The following DPYD variants were observed in gnomAD, a reference collection of about 807,000 sequenced individuals.
The protein encoded by DPYD is dihydropyrimidine dehydrogenase [NADP(+)].
In DPYD, 109 loss-of-function variants were observed where a neutral mutation model predicts 116.2. That is an observed-to-expected ratio of 0.94 (90% CI 0.80 to 1.10). DPYD has a LOEUF of 1.10. Ranked by LOEUF, DPYD falls within the 50% of genes least tolerant of loss-of-function variation. The pLI, the probability that DPYD is intolerant of heterozygous loss-of-function variation, is 0.00. For synonymous variants in DPYD, 440 were observed against 432.0 expected (o/e 1.02, Z -0.23); for missense variants, 1,302 against 1,254.5 (o/e 1.04, Z -0.57).
intron 13 of DPYD, among the ~76,000 whole-genome samples, chr1:97,495,082 G>C (rs769609441): frequency 6.6e-6 from 1 of 152,130 alleles, no homozygotes; most frequent in African/African-American, 2.4e-5. Context: ...ATTTTATCAG[G>C]TTCCAAAGGG....
At chr1:97,229,427 G>A (rs1266850988) in intron 19 of DPYD, among the ~76,000 whole-genome samples, 1 of 149,588 alleles carries the variant, frequency 6.7e-6, no homozygotes, top group African/African-American at 2.4e-5. Flanking sequence ...TTAGGGAGTG[G>A]AATGAAGTGA....
chr1:97,851,723 AG>A (rs1670578373), intron 2 of DPYD, among the ~76,000 whole-genome samples: 5 of 145,924 alleles, frequency 3.4e-5, no homozygotes. Context: ...AAAAAAAAAA[AG>A]AAACTGGGCT....
intron 20 of DPYD, among the ~76,000 whole-genome samples, chr1:97,173,641 A>AT (rs1657046266): frequency 6.6e-6 from 1 of 151,218 alleles, no homozygotes; most frequent in African/African-American, 2.4e-5. Context: ...AGTGCCTGGC[A>AT]TGGAATACTC....
chr1:97,594,839 T>C, intron 9 of DPYD, among the ~76,000 whole-genome samples: 1 of 152,106 alleles, frequency 6.6e-6, no homozygotes, highest in Admixed American at 6.5e-5. Context: ...TATATTACAG[T>C]GAAAATTCCT....
intron 20 of DPYD, among the ~76,000 whole-genome samples, chr1:97,141,318 C>A (rs1449365475): frequency 6.6e-6 from 1 of 152,058 alleles, no homozygotes; most frequent in African/African-American, 2.4e-5. Flanking sequence ...GCCACTATTC[C>A]TCTACTCTAC....
chr1:97,700,952 A>G (rs1018880506), intron 5 of DPYD, among the ~76,000 whole-genome samples: 4 of 151,420 alleles, frequency 2.6e-5, no homozygotes, highest in Non-Finnish European at 5.9e-5. Flanking sequence ...TGTATTAATT[A>G]AAATTATTAT....
chr1:97,740,656 C>T (rs934276132), intron 3 of DPYD, among the ~76,000 whole-genome samples, 177 bp from the exon 4 acceptor site: 2 of 152,026 alleles, frequency 1.3e-5, no homozygotes, highest in African/African-American at 4.8e-5. Flanking sequence ...TTTGGCACTC[C>T]TCTTGGGATG....
chr1:97,674,827 C>T (rs1469362942), intron 8 of DPYD, among the ~76,000 whole-genome samples: 1 of 152,040 alleles, frequency 6.6e-6, no homozygotes, highest in Non-Finnish European at 1.5e-5. Flanking sequence ...TTTTTAAATT[C>T]TTAGCACAGT....
intron 19 of DPYD, among the ~76,000 whole-genome samples, chr1:97,214,989 AG>A (rs1314186815): frequency 6.6e-6 from 1 of 152,330 alleles, no homozygotes; most frequent in Admixed American, 6.5e-5. Flanking sequence ...GCTAGAATAG[AG>A]GGCTGTACAT....
intron 2 of DPYD, among the ~76,000 whole-genome samples, chr1:97,842,030 T>C (rs562756974): frequency 1.3e-5 from 2 of 151,940 alleles, no homozygotes; most frequent in African/African-American, 4.8e-5. Context: ...ATATTGCCTT[T>C]TGTGGGCTAA....
chr1:97,419,485 C>T lies in DPYD; in HGVS notation c.1905+30574G>A, dbSNP rs534458068. On this transcript the variant is annotated intron_variant, in intron 14 of 22. Transcript: ENST00000370192. ...CACAACAACGCTGTAAAATAGGCAC[C>T]GATATTCCAATTTTAATGACATCTT... is the stretch of plus-strand genomic sequence containing the variant. Among the ~76,000 whole-genome samples, 7 of 152,002 alleles carry T rather than the reference C, an allele frequency of 4.6e-5. No homozygotes were observed. The South Asian group carries it at 6.3e-4, about 14-fold the overall frequency.
At chr1:97,673,184 C>G (rs988648404) in intron 8 of DPYD, among the ~76,000 whole-genome samples, 1 of 151,630 alleles carries the variant, frequency 6.6e-6, no homozygotes, top group Non-Finnish European at 1.5e-5. Flanking sequence ...CTTTGATAGT[C>G]TTAATTTTCT....
At chr1:97,299,130 C>T (rs898363688) in intron 18 of DPYD, among the ~76,000 whole-genome samples, 5 of 152,008 alleles carry the variant, frequency 3.3e-5, no homozygotes, top group Non-Finnish European at 5.9e-5. Context: ...CAGCCACTGA[C>T]GTGTACCTAC....
At chr1:97,640,837 C>G (rs1026509407) in intron 8 of DPYD, among the ~76,000 whole-genome samples, 6 of 152,076 alleles carry the variant, frequency 3.9e-5, no homozygotes, top group African/African-American at 1.4e-4. Context: ...AGAAAAGTCA[C>G]AGAGGCCAAA....
At chr1:97,882,434 A>G (rs1163482692) in intron 2 of DPYD, among the ~76,000 whole-genome samples, 1 of 152,036 alleles carries the variant, frequency 6.6e-6, no homozygotes, top group African/African-American at 2.4e-5. Flanking sequence ...AGAAGTACAT[A>G]AACTAAAATC....
intron 18 of DPYD, among the ~76,000 whole-genome samples, chr1:97,238,497 T>G (rs1662106252): frequency 6.6e-6 from 1 of 152,200 alleles, no homozygotes; most frequent in African/African-American, 2.4e-5. Flanking sequence ...TAGAATTTAT[T>G]TTTAGTTTTA....
At chr1:97,232,123 A>G (rs1404618510) in intron 19 of DPYD, among the ~76,000 whole-genome samples, 2 of 152,068 alleles carry the variant, frequency 1.3e-5, no homozygotes, top group African/African-American at 2.4e-5. Flanking sequence ...ACATTCTCTT[A>G]GTTTTTCTTC....
At chr1:97,373,329 C>T (rs963405530) in intron 16 of DPYD, among the ~76,000 whole-genome samples, 1 of 152,160 alleles carries the variant, frequency 6.6e-6, no homozygotes, top group African/African-American at 2.4e-5. Context: ...GATATTACTT[C>T]CTGTCAAGCA....
rs191643340 is a variant in DPYD at position 97,263,580 on chromosome 1, T to G, written c.2300-28586A>C. Among the ~76,000 whole-genome samples, 795 of 152,220 alleles carry G rather than the reference T, an allele frequency of 5.2e-3. 9 individuals carry two copies. The highest frequency in any genetic ancestry group is 0.018 in the African/African-American group (736 of 41,542). On this transcript the variant is annotated intron_variant, in intron 18 of 22. Transcript: ENST00000370192. The stretch of plus-strand genomic sequence containing the variant: ...CCATTATTATTTATTATTTAAGGGT[T>G]GAACCATTAAAACAATTACACTTAA...
Sources: allele counts gnomAD v4.1 joint callset (sites outside exome capture counted in the v4.1 genomes callset), GRCh38; gene constraint gnomAD v4.1.1; transcripts MANE v1.5; gene names NCBI Gene and HGNC (gene_info 2026-07-23, HGNC 2026-07-21).